Variants in TBC1D4 observed in about 807,000 individuals in gnomAD.
The protein encoded by TBC1D4 is TBC (Tre-2, BUB2, CDC16) domain-containing protein.
In TBC1D4, 121 loss-of-function variants were observed where a neutral mutation model predicts 142.5. The ratio of observed to expected loss-of-function variants is 0.85; its 90% CI spans 0.73 to 0.99. The LOEUF is 0.99. Among genes scored for constraint, TBC1D4 ranks in the 50% least tolerant of loss-of-function variants. The pLI is 0.00. For missense variants in TBC1D4, 1,475 were observed against 1,606.6 expected (o/e 0.92, Z 1.40); for synonymous variants, 630 against 628.2 (o/e 1.00, Z -0.04).
chr13:75,458,217 C>A (rs1887819577), intron 1 of TBC1D4, among the ~76,000 whole-genome samples: 1 of 151,996 alleles, frequency 6.6e-6, no homozygotes, highest in Non-Finnish European at 1.5e-5. Context: ...GGATGGGGAG[C>A]TGGAAAGAGG....
intron 1 of TBC1D4, among the ~76,000 whole-genome samples, chr13:75,417,163 C>T (rs1431900907): frequency 6.6e-6 from 1 of 152,152 alleles, no homozygotes; most frequent in Non-Finnish European, 1.5e-5. Context: ...ACACCCTGTC[C>T]CCCAAGAGCC....
chr13:75,303,315 T>TAA (rs111563620), intron 15 of TBC1D4, among the ~76,000 whole-genome samples: 7 of 148,006 alleles, frequency 4.7e-5, no homozygotes, highest in African/African-American at 1.7e-4. Context: ...AGACTCTGTC[T>TAA]AAAAAAAAAA....
chr13:75,454,941 A>T (rs1244657850), intron 1 of TBC1D4, among the ~76,000 whole-genome samples: 2 of 152,216 alleles, frequency 1.3e-5, no homozygotes, highest in African/African-American at 2.4e-5. Flanking sequence ...TTTCAAATTT[A>T]AAAATTAAGT....
At chr13:75,380,490 C>T (rs865969934) in intron 1 of TBC1D4, among the ~76,000 whole-genome samples, 10 of 151,416 alleles carry the variant, frequency 6.6e-5, no homozygotes, top group Admixed American at 6.6e-5. Context: ...AAAAGGCAGA[C>T]ACTTTTTAAA....
intron 13 of TBC1D4, among the ~76,000 whole-genome samples, chr13:75,311,233 C>G (rs931281576): frequency 7.9e-5 from 12 of 152,156 alleles, no homozygotes; most frequent in Non-Finnish European, 1.6e-4. Context: ...TGCTGAATTT[C>G]TCATGATTCT....
At chr13:75,468,321 G>T (rs1238315718) in intron 1 of TBC1D4, among the ~76,000 whole-genome samples, 2 of 152,152 alleles carry the variant, frequency 1.3e-5, no homozygotes, top group African/African-American at 4.8e-5. Context: ...TACTAAATAG[G>T]CTTCCAAATG....
chr13:75,464,438 T>C (rs1478448369), intron 1 of TBC1D4, among the ~76,000 whole-genome samples: 1 of 152,202 alleles, frequency 6.6e-6, no homozygotes, highest in Non-Finnish European at 1.5e-5. Context: ...CCAGAGCCCA[T>C]CCCTTTGTTT....
Position 75,327,840 on chromosome 13 carries a change from A to G in TBC1D4, c.1732-14T>C. On this transcript the variant is annotated splice_polypyrimidine_tract_variant and intron_variant, in intron 8 of 20. Transcript: ENST00000377636. ...TCTGTTAGCTCCCTGAGTGAAAAGA[A>G]TAAAATTAAGTGCTTCGTGTGATTT... is the stretch of plus-strand genomic sequence containing the variant. 6.2e-7 allele frequency: 1 copy of G among 1,613,798 alleles called. No homozygotes were observed. The highest frequency in any genetic ancestry group is 8.5e-7 in the Non-Finnish European group (1 of 1,179,732).
At chr13:75,453,778 C>T (rs749191239) in intron 1 of TBC1D4, among the ~76,000 whole-genome samples, 12 of 151,856 alleles carry the variant, frequency 7.9e-5, no homozygotes, top group Non-Finnish European at 1.5e-4. Context: ...GGCAGAATCT[C>T]TTGAACCCGG....
intron 1 of TBC1D4, among the ~76,000 whole-genome samples, chr13:75,473,477 A>C (rs1368476368): frequency 6.6e-6 from 1 of 152,244 alleles, no homozygotes; most frequent in Non-Finnish European, 1.5e-5. Flanking sequence ...TGTAATATTG[A>C]TAGCACAAAG....
intron 15 of TBC1D4, among the ~76,000 whole-genome samples, chr13:75,303,264 C>T (rs1566355769): frequency 6.6e-6 from 1 of 152,008 alleles, no homozygotes; most frequent in Non-Finnish European, 1.5e-5. Context: ...TTGCAGTGAG[C>T]TGAGATCTCA....
At chr13:75,336,167 C>T (rs974872363) in intron 8 of TBC1D4, among the ~76,000 whole-genome samples, 12 of 146,832 alleles carry the variant, frequency 8.2e-5, no homozygotes, top group East Asian at 2.1e-4. Context: ...GGGAGGCCGA[C>T]GTGGGTGGAT....
In TBC1D4 at chr13:75,299,679, C is replaced by G. The variant is rs946962306; in HGVS notation, c.2912-105G>C. The G allele has an allele frequency of 2.9e-6, 4 of 1,402,118 alleles. No individual in the cohort carries two copies. In the East Asian group the frequency reaches 9.5e-5, roughly 33 times the overall value. 86.9% of individuals were successfully genotyped at this position (1,402,118 alleles called of 1,614,324 possible). A position where few individuals can be genotyped will look rare whatever the true frequency, so the allele number is the denominator to read the frequency against. On this transcript the variant is annotated intron_variant, in intron 16 of 20. Coordinates refer to ENST00000377636, the MANE Select transcript of TBC1D4 (RefSeq NM_014832.5). ...CTCCAAGAATAAACAGACACTCTTT[C>G]CCAAACCAGTGAGAGTTGCTTAGAG...
At chr13:75,462,242 A>C (rs1888000488) in intron 1 of TBC1D4, among the ~76,000 whole-genome samples, 1 of 152,200 alleles carries the variant, frequency 6.6e-6, no homozygotes, top group Admixed American at 6.5e-5. Context: ...CGGAAACAGC[A>C]AATGGACCAG....
chr13:75,376,379 T>A (rs1351032027), intron 1 of TBC1D4, among the ~76,000 whole-genome samples: 42 of 326 alleles, frequency 0.13, no homozygotes, highest in East Asian at 0.49. Context: ...GGTGACATTT[T>A]TTTTTTTTTT....
chr13:75,335,895 A>G (rs1880154878), intron 8 of TBC1D4, among the ~76,000 whole-genome samples: 1 of 152,192 alleles, frequency 6.6e-6, no homozygotes, highest in South Asian at 2.1e-4. Context: ...TCTTTATAGC[A>G]ATGCGAAAAT....
chr13:75,407,782 T>C (rs1344215228), intron 1 of TBC1D4, among the ~76,000 whole-genome samples: 2 of 151,430 alleles, frequency 1.3e-5, no homozygotes, highest in Non-Finnish European at 2.9e-5. Context: ...TCTAAGGGTA[T>C]AAACTCTGGA....
chr13:75,395,559 G>A lies in TBC1D4; in HGVS notation c.499-32952C>T, dbSNP rs1302116058. Among the ~76,000 whole-genome samples, 6 of 152,158 alleles carry A rather than the reference G, an allele frequency of 3.9e-5. No individual in the cohort carries two copies. The South Asian group carries it at 1.0e-3, about 26-fold the overall frequency. On this transcript the variant is annotated intron_variant, in intron 1 of 20. Transcript: ENST00000377636. Reference sequence around the variant, plus strand: ...GAAAATAAATGATACGGCTAGGCACGGTGGCTCACGCCTGTAATCCCAGCA... The same window carrying A: ...GAAAATAAATGATACGGCTAGGCACAGTGGCTCACGCCTGTAATCCCAGCA...
intron 4 of TBC1D4, among the ~76,000 whole-genome samples, chr13:75,352,134 T>C (rs1185601918): frequency 6.6e-6 from 1 of 152,198 alleles, no homozygotes; most frequent in Non-Finnish European, 1.5e-5. Flanking sequence ...CTTTTCCTCA[T>C]GATTTAAACA....
Sources: gnomAD v4.1 joint callset for allele counts (sites outside exome capture counted in the v4.1 genomes callset) on GRCh38, gnomAD v4.1.1 for gene constraint, MANE v1.5 for transcripts, NCBI Gene and HGNC (gene_info 2026-07-23, HGNC 2026-07-21) for gene names.